The following CLVS1 variants were observed in gnomAD, a reference collection of about 807,000 sequenced individuals.
CLVS1 encodes the protein clavesin-1.
CLVS1 carries 10 observed loss-of-function variants against 33.1 expected under a neutral mutation model. The observed-to-expected ratio is 0.30, with a 90% CI of 0.19 to 0.51. The LOEUF (loss-of-function observed/expected upper bound fraction) is 0.51. CLVS1 is among the 20% of genes least tolerant of loss of function. The pLI is 0.97. For missense variants in CLVS1, 343 were observed against 433.4 expected (o/e 0.79, Z 1.85); for synonymous variants, 163 against 166.1 (o/e 0.98, Z 0.14).
chr8:61,457,226 T>A (rs1817201567), intron 4 of CLVS1, among the ~76,000 whole-genome samples: 1 of 152,142 alleles, frequency 6.6e-6, no homozygotes, highest in Admixed American at 6.5e-5. Flanking sequence ...CACAAGCCAC[T>A]GCACGTGGCC....
chr8:61,392,641 T>G (rs946577417), intron 3 of CLVS1, among the ~76,000 whole-genome samples: 1 of 151,952 alleles, frequency 6.6e-6, no homozygotes, highest in East Asian at 2.0e-4. Flanking sequence ...GTGGATCACT[T>G]GAGGGCAGGA....
At chr8:61,295,676 G>A (rs937206560) in intron 1 of CLVS1, among the ~76,000 whole-genome samples, 1 of 152,080 alleles carries the variant, frequency 6.6e-6, no homozygotes, top group Non-Finnish European at 1.5e-5. Flanking sequence ...AAGAGACAGG[G>A]CAGCATAACA....
At chr8:61,079,387 C>A (rs1453943325) in intron 1 of CLVS1, among the ~76,000 whole-genome samples, 2 of 152,190 alleles carry the variant, frequency 1.3e-5, no homozygotes, top group African/African-American at 4.8e-5. Flanking sequence ...GTGCTGACAG[C>A]TGGTAATATG....
chr8:61,479,287 T>C (rs1022342990), intron 5 of CLVS1, among the ~76,000 whole-genome samples: 4 of 152,224 alleles, frequency 2.6e-5, no homozygotes, highest in Non-Finnish European at 5.9e-5. Context: ...TTTCTTTTTT[T>C]ATTCTTTTTT....
the CLVS1 span, among the ~76,000 whole-genome samples, chr8:61,022,187 C>T: frequency 1.3e-5 from 2 of 152,332 alleles, no homozygotes; most frequent in Non-Finnish European, 2.9e-5. Flanking sequence ...CACATCCTCA[C>T]GGCATCTGAA....
intron 1 of CLVS1, among the ~76,000 whole-genome samples, chr8:61,108,006 G>A (rs937315991): frequency 3.3e-5 from 5 of 151,996 alleles, no homozygotes; most frequent in African/African-American, 4.8e-5. Flanking sequence ...AGTGGCTCAC[G>A]CCTGTAATCC....
intron 2 of CLVS1, among the ~76,000 whole-genome samples, chr8:61,206,590 CT>C (rs10535294): frequency 1.1e-3 from 157 of 139,086 alleles, no homozygotes; most frequent in South Asian, 4.6e-3. Context: ...TTTTTTCTTT[CT>C]TTTTTTTTTT....
At chr8:61,115,335 AT>A (rs200403672) in intron 1 of CLVS1, among the ~76,000 whole-genome samples, 4,138 of 150,866 alleles carry the variant, frequency 0.027, 157 homozygotes, top group African/African-American at 0.085. Context: ...GGCAACTCTT[AT>A]TTTTTTTATT....
At chr8:61,055,399 A>G (rs924969218), upstream of CLVS1, among the ~76,000 whole-genome samples, 1 of 152,154 alleles carries the variant, frequency 6.6e-6, no homozygotes, top group African/African-American at 2.4e-5. Flanking sequence ...CCTATTTTTA[A>G]TTTACTGCAA....
chr8:61,361,448 AATTAAATACCTCAAAGGAC>A (rs1200334422), intron 2 of CLVS1, among the ~76,000 whole-genome samples: 4 of 152,154 alleles, frequency 2.6e-5, no homozygotes, highest in Non-Finnish European at 4.4e-5. Context: ...CTCCTTTGTA[AATTAAATACCTCAAAGGAC>A]ATTCTCCAAG....
At chr8:60,986,964 C>G in the CLVS1 span, among the ~76,000 whole-genome samples, 1 of 152,196 alleles carries the variant, frequency 6.6e-6, no homozygotes. Context: ...GTTGAGTTCA[C>G]TGTAGTTTAA....
intron 2 of CLVS1, among the ~76,000 whole-genome samples, chr8:61,135,445 G>A (rs1286234590): frequency 6.6e-6 from 1 of 152,192 alleles, no homozygotes; most frequent in Non-Finnish European, 1.5e-5. Context: ...AGATTGTGCT[G>A]GGATGATTTT....
At chr8:61,265,416 A>G (rs928490844) in intron 2 of CLVS1, among the ~76,000 whole-genome samples, 1 of 152,208 alleles carries the variant, frequency 6.6e-6, no homozygotes, top group East Asian at 1.9e-4. Flanking sequence ...GGCATAATCT[A>G]TATCTCCATT....
intron 2 of CLVS1, among the ~76,000 whole-genome samples, chr8:61,199,942 G>T (rs1807693859): frequency 6.6e-6 from 1 of 152,122 alleles, no homozygotes. Flanking sequence ...GAAAGTGAAG[G>T]GTGCTCTGTT....
chr8:61,390,167 A>C (rs1045624753), intron 3 of CLVS1, among the ~76,000 whole-genome samples: 1 of 152,234 alleles, frequency 6.6e-6, no homozygotes, highest in Non-Finnish European at 1.5e-5. Flanking sequence ...AATAAAAATG[A>C]GAAAGTGCAA....
At chr8:61,183,627 A>C (rs2931307) in intron 2 of CLVS1, among the ~76,000 whole-genome samples, 21,375 of 152,224 alleles carry the variant, frequency 0.14, 1,884 homozygotes, top group Admixed American at 0.24. Context: ...CCCACAGAGA[A>C]GCCACACTAA....
intron 3 of CLVS1, among the ~76,000 whole-genome samples, chr8:61,431,177 C>T (rs1328926365): frequency 6.6e-6 from 1 of 152,164 alleles, no homozygotes; most frequent in Non-Finnish European, 1.5e-5. Context: ...AAAACTTCCT[C>T]ATGTGGATTT....
At chr8:61,344,028 C>G (rs1047639695) in intron 2 of CLVS1, among the ~76,000 whole-genome samples, 5 of 151,946 alleles carry the variant, frequency 3.3e-5, no homozygotes, top group African/African-American at 1.2e-4. Context: ...GCCAAAGGAC[C>G]AATATGTGCA....
At chr8:61,134,302 C>T (rs1029112037) in intron 2 of CLVS1, among the ~76,000 whole-genome samples, 2 of 152,302 alleles carry the variant, frequency 1.3e-5, no homozygotes, top group Admixed American at 6.5e-5. Flanking sequence ...AGGTGCGCCT[C>T]GAAGCCTGAG....
Sources: allele counts gnomAD v4.1 joint callset (sites outside exome capture counted in the v4.1 genomes callset), GRCh38; gene constraint gnomAD v4.1.1; transcripts MANE v1.5; gene names NCBI Gene and HGNC (gene_info 2026-07-23, HGNC 2026-07-21).